TSPAN9: variants seen among roughly 807,000 people sequenced by gnomAD.
TSPAN9 encodes tetraspanin 9.
A neutral mutation model predicts 31.0 loss-of-function variants in TSPAN9; 16 were observed. The ratio of observed to expected loss-of-function variants is 0.52; its 90% CI spans 0.35 to 0.78. The LOEUF (loss-of-function observed/expected upper bound fraction) is 0.78. Among genes scored for constraint, TSPAN9 ranks in the 30% least tolerant of loss-of-function variants. The pLI is 0.01. For missense variants in TSPAN9, 272 were observed against 312.5 expected (o/e 0.87, Z 0.98); for synonymous variants, 145 against 121.6 (o/e 1.19, Z -1.27).
intron 3 of TSPAN9, among the ~76,000 whole-genome samples, chr12:3,238,788 C>T (rs1002858128): frequency 1.3e-5 from 2 of 152,208 alleles, no homozygotes; most frequent in Non-Finnish European, 2.9e-5. Context: ...GCAGATGCAC[C>T]GTTTAGTGCT....
At chr12:3,268,484 C>A (rs1197786330) in intron 3 of TSPAN9, among the ~76,000 whole-genome samples, 13 of 139,168 alleles carry the variant, frequency 9.3e-5, no homozygotes, top group African/African-American at 3.3e-4. Flanking sequence ...CTGCAGCCTG[C>A]CCTCTCTGTG....
rs146840439 is a variant in TSPAN9, at chr12:3,280,695, G to T, written c.432+212G>T. On this transcript the variant is annotated intron_variant, in intron 6 of 8. Transcript: ENST00000011898. This position sits in a 1 kb window ranked among gnomAD's most constrained non-coding sequence, Gnocchi z 4.5. Reference sequence around the variant, plus strand: ...AGGGAGGGATGAGGATACAGGAGGGGCAGGCCTGAGAGAGCTGTGGCTGAG... The same window carrying T: ...AGGGAGGGATGAGGATACAGGAGGGTCAGGCCTGAGAGAGCTGTGGCTGAG... Among the ~76,000 whole-genome samples, 9 of 152,358 alleles carry T rather than the reference G, an allele frequency of 5.9e-5. No homozygotes were observed. In the South Asian group the frequency reaches 8.3e-4, roughly 14 times the overall value.
intron 8 of TSPAN9, 102 bp from the exon 9 acceptor site, chr12:3,282,943 C>A: frequency 8.5e-7 from 1 of 1,183,396 alleles, no homozygotes; most frequent in Non-Finnish European, 1.2e-6. Context: ...GTGGCCATCC[C>A]CGCTTGCTCT....
chr12:3,094,606 G>A (rs370138428), intron 2 of TSPAN9, among the ~76,000 whole-genome samples: 5 of 149,180 alleles, frequency 3.4e-5, no homozygotes, highest in African/African-American at 7.4e-5. Context: ...GTGCAGTCTC[G>A]GCTCACCACA....
chr12:3,278,249 G>A (rs1016642624), intron 3 of TSPAN9, among the ~76,000 whole-genome samples, 172 bp from the exon 4 acceptor site: 1 of 152,194 alleles, frequency 6.6e-6, no homozygotes, highest in African/African-American at 2.4e-5. Flanking sequence ...GACTGTCTGG[G>A]TCACACAGCC....
chr12:3,146,407 A>T (rs2098337294), intron 2 of TSPAN9, among the ~76,000 whole-genome samples: 1 of 152,060 alleles, frequency 6.6e-6, no homozygotes, highest in African/African-American at 2.4e-5. Flanking sequence ...TTTGGTTTTC[A>T]TTCTGCCCAC....
intron 3 of TSPAN9, among the ~76,000 whole-genome samples, chr12:3,276,251 C>T (rs1862784568): frequency 6.6e-6 from 1 of 152,218 alleles, no homozygotes; most frequent in African/African-American, 2.4e-5. Context: ...GGTCGCTTCT[C>T]CAAACAGCAG....
chr12:3,119,896 C>T (rs938133387), intron 2 of TSPAN9, among the ~76,000 whole-genome samples: 5 of 152,128 alleles, frequency 3.3e-5, no homozygotes, highest in African/African-American at 9.7e-5. Flanking sequence ...CGGGCCTGGC[C>T]GCCAGCGCCC....
intron 1 of TSPAN9, among the ~76,000 whole-genome samples, chr12:3,080,904 T>C (rs1227709283): frequency 6.6e-6 from 1 of 152,158 alleles, no homozygotes; most frequent in East Asian, 1.9e-4. Context: ...GCAGCCCAGC[T>C]TAGGTGGGAA....
intron 2 of TSPAN9, among the ~76,000 whole-genome samples, chr12:3,149,452 A>G (rs2098338848): frequency 6.6e-6 from 1 of 152,226 alleles, no homozygotes; most frequent in South Asian, 2.1e-4. Flanking sequence ...ACAACCTTGC[A>G]TTCTTCAGAA....
chr12:3,163,147 A>G (rs1183966990), intron 2 of TSPAN9, among the ~76,000 whole-genome samples: 1 of 152,218 alleles, frequency 6.6e-6, no homozygotes, highest in Non-Finnish European at 1.5e-5. Flanking sequence ...ACTGCCTGGC[A>G]TGATCAATAG....
chr12:3,218,831 G>A (rs927845859), intron 3 of TSPAN9, among the ~76,000 whole-genome samples: 1 of 151,974 alleles, frequency 6.6e-6, no homozygotes, highest in Admixed American at 6.6e-5. Context: ...CTGGAATCTG[G>A]GTCATTAAAA....
intron 3 of TSPAN9, among the ~76,000 whole-genome samples, chr12:3,247,007 C>T (rs1486741968): frequency 6.6e-6 from 1 of 152,092 alleles, no homozygotes; most frequent in Non-Finnish European, 1.5e-5. Context: ...GAAAAGAGCA[C>T]AGCCTGGGAG....
chr12:3,202,866 G>A lies in TSPAN9; in HGVS notation c.63+1610G>A, dbSNP rs535252712. 3.3e-5 allele frequency among the ~76,000 whole-genome samples: 5 copies of A among 152,276 alleles called. No individual in the cohort carries two copies. In the East Asian group the frequency reaches 5.8e-4, roughly 18 times the overall value. ...CAGATAGTCTCATTCTTTTTCTGGT[G>A]GCAAGCACCACTGGAATGTCTCTGG... is the stretch of plus-strand genomic sequence containing the variant. On this transcript the variant is annotated intron_variant, in intron 3 of 8. Transcript: ENST00000011898.
intron 3 of TSPAN9, among the ~76,000 whole-genome samples, chr12:3,248,879 G>A (rs1343924125): frequency 1.3e-5 from 2 of 152,040 alleles, no homozygotes; most frequent in African/African-American, 2.4e-5. Context: ...CTCTGGTTCG[G>A]TAATGGATCC....
At chr12:3,151,175 CGT>C (rs2098339556) in intron 2 of TSPAN9, 1 of 152,282 alleles carries the variant, frequency 6.6e-6, no homozygotes, top group Non-Finnish European at 1.5e-5. Flanking sequence ...TGTTTGCACA[CGT>C]GTGTGCATGT....
intron 3 of TSPAN9, among the ~76,000 whole-genome samples, chr12:3,205,725 C>CCT (rs1485109328): frequency 9.8e-6 from 1 of 102,198 alleles, no homozygotes; most frequent in Non-Finnish European, 2.3e-5. Flanking sequence ...TAGGCCCCCC[C>CCT]CCCCCAGAGT....
intron 2 of TSPAN9, among the ~76,000 whole-genome samples, chr12:3,163,123 C>T (rs1033433873): frequency 1.3e-5 from 2 of 152,188 alleles, no homozygotes; most frequent in Non-Finnish European, 2.9e-5. Context: ...CTGTGGAGTC[C>T]CCAGCATCTA....
chr12:3,174,913 C>G (rs1425950074), intron 2 of TSPAN9, among the ~76,000 whole-genome samples: 8 of 151,764 alleles, frequency 5.3e-5, no homozygotes, highest in Admixed American at 5.2e-4. Flanking sequence ...ATGATTAATA[C>G]CTGAGGAGCT....
Sources: allele counts gnomAD v4.1 joint callset (sites outside exome capture counted in the v4.1 genomes callset), GRCh38; gene constraint gnomAD v4.1.1; non-coding constraint Gnocchi (gnomAD v3.1); transcripts MANE v1.5; gene names NCBI Gene and HGNC (gene_info 2026-07-23, HGNC 2026-07-21).